The following CABIN1 variants were observed in gnomAD, a reference collection of about 807,000 sequenced individuals.
CABIN1 encodes calcineurin binding protein 1.
A neutral mutation model predicts 227.7 loss-of-function variants in CABIN1; 133 were observed. The observed-to-expected ratio is 0.58, with a 90% CI of 0.51 to 0.67. The LOEUF (loss-of-function observed/expected upper bound fraction) is 0.67, where lower values mean the gene tolerates loss of function less well. Ranked by LOEUF, CABIN1 falls within the 30% of genes least tolerant of loss-of-function variation. CABIN1 has a pLI of 0.00. For missense variants in CABIN1, 2,408 were observed against 2,852.5 expected (o/e 0.84, Z 3.55); for synonymous variants, 1,086 against 1,155.1 (o/e 0.94, Z 1.21).
intron 4 of CABIN1, among the ~76,000 whole-genome samples, chr22:24,040,186 T>C (rs989948045): frequency 6.6e-5 from 10 of 152,226 alleles, no homozygotes; most frequent in African/African-American, 1.7e-4. Context: ...GATCCAGCCC[T>C]GGTCAGCTGG....
At chr22:24,118,774 C>T (rs974022193) in intron 27 of CABIN1, among the ~76,000 whole-genome samples, 3 of 152,194 alleles carry the variant, frequency 2.0e-5, no homozygotes, top group African/African-American at 4.8e-5. Flanking sequence ...CACCACCCAG[C>T]CTGGGCTATC....
intron 26 of CABIN1, among the ~76,000 whole-genome samples, chr22:24,110,175 AT>A (rs963979812): frequency 3.3e-5 from 5 of 152,100 alleles, no homozygotes; most frequent in African/African-American, 4.8e-5. Flanking sequence ...CTCAAAAAAA[AT>A]TTTTTTTAAG....
At chr22:24,138,038 C>T (rs1452848620) in intron 29 of CABIN1, among the ~76,000 whole-genome samples, 1 of 152,188 alleles carries the variant, frequency 6.6e-6, no homozygotes, top group Admixed American at 6.5e-5. Context: ...AATCCCTATC[C>T]CTCTCAACCC....
intron 19 of CABIN1, among the ~76,000 whole-genome samples, chr22:24,079,470 T>A (rs1038090483): frequency 2.2e-4 from 34 of 152,280 alleles, no homozygotes; most frequent in African/African-American, 7.5e-4. Context: ...TTTAAAAATT[T>A]TATTTTCAGA....
intron 15 of CABIN1, among the ~76,000 whole-genome samples, chr22:24,065,747 A>G (rs1265948222): frequency 2.6e-5 from 4 of 152,254 alleles, no homozygotes; most frequent in African/African-American, 9.6e-5. Context: ...TCCGTCTGCA[A>G]TCCCGGCACC....
rs2036751601 is a variant in CABIN1, at chr22:24,034,836, G to A, written c.-74-608G>A. On this transcript the variant is annotated intron_variant, in intron 1 of 36. Transcript: ENST00000263119. ...TTTCTATTATCTTTCTAAAACATAGGCAAAACATTTTGTTCTCCCTAAAAC... is the reference window on the plus strand; with the variant it reads ...TTTCTATTATCTTTCTAAAACATAGACAAAACATTTTGTTCTCCCTAAAAC... 2.6e-5 allele frequency among the ~76,000 whole-genome samples: 4 copies of A among 152,104 alleles called. No homozygotes were observed. In the South Asian group the frequency reaches 8.3e-4, roughly 32 times the overall value.
At chr22:24,129,190 A>C (rs982734827) in intron 28 of CABIN1, among the ~76,000 whole-genome samples, 1 of 152,156 alleles carries the variant, frequency 6.6e-6, no homozygotes, top group Non-Finnish European at 1.5e-5. Flanking sequence ...CCCCCACTAC[A>C]TGCAGGGCCC....
chr22:24,089,736 G>A (rs1230925549), intron 23 of CABIN1, among the ~76,000 whole-genome samples: 3 of 152,176 alleles, frequency 2.0e-5, no homozygotes, highest in Non-Finnish European at 2.9e-5. Context: ...GCAGCTGTTC[G>A]AGCTGCTGTG....
chr22:24,043,424 A>G (rs955134550), intron 6 of CABIN1, among the ~76,000 whole-genome samples: 2 of 143,442 alleles, frequency 1.4e-5, no homozygotes, highest in Admixed American at 7.6e-5. Context: ...TTGGGCTGCC[A>G]TTAAAAAAAA....
chr22:24,169,935 T>G (rs2046691927), intron 33 of CABIN1, among the ~76,000 whole-genome samples: 2 of 152,178 alleles, frequency 1.3e-5, no homozygotes, highest in African/African-American at 2.4e-5. Context: ...AGCAGAGATT[T>G]CCGTCAGAGA....
chr22:24,060,253 C>A, intron 12 of CABIN1, 112 bp downstream of exon 12: 1 of 1,056,194 alleles, frequency 9.5e-7, no homozygotes, highest in Non-Finnish European at 1.4e-6. Flanking sequence ...ACTTGTGGGC[C>A]TGGAACCTGG....
intron 27 of CABIN1, among the ~76,000 whole-genome samples, chr22:24,115,308 A>C (rs2043020405): frequency 6.6e-6 from 1 of 152,186 alleles, no homozygotes; most frequent in Admixed American, 6.5e-5. Flanking sequence ...CAGCCTATAC[A>C]GGCCCTTCTA....
rs2046491389 is a variant in CABIN1 at position 24,167,057 on chromosome 22, AGCCCACCCC to A, written c.5429_5437del (p.Pro1810_Pro1812del). 6.5e-7 allele frequency: 1 copy of A among 1,545,696 alleles called. No individual in the cohort carries two copies. Among genetic ancestry groups the A allele is most frequent in the East Asian group, 2.4e-5 (1 of 40,832 alleles). Reference sequence around the variant, plus strand: ...GAGCTGAGCATCAGTGCCCGGCAGCAGCCCACCCCGCTCACCCCAGCCCAGCCAGCCCCC... The same window carrying A: ...GAGCTGAGCATCAGTGCCCGGCAGCAGCTCACCCCAGCCCAGCCAGCCCCC... On this transcript the variant is annotated inframe_deletion, in exon 32 of 37. Transcript: ENST00000263119.
At chr22:24,015,448 C>T (rs939593985) in intron 1 of CABIN1, among the ~76,000 whole-genome samples, 9 of 151,128 alleles carry the variant, frequency 6.0e-5, no homozygotes, top group East Asian at 4.1e-4. Context: ...GGGTTCACGC[C>T]GTTCTGCTGC....
At chr22:24,090,853 T>A (rs552121144) in intron 23 of CABIN1, among the ~76,000 whole-genome samples, 1 of 152,224 alleles carries the variant, frequency 6.6e-6, no homozygotes, top group South Asian at 2.1e-4. Context: ...AGAGCAGCTC[T>A]GTGGGCTTGC....
intron 20 of CABIN1, among the ~76,000 whole-genome samples, 167 bp downstream of exon 20, chr22:24,083,556 G>A (rs540584047): frequency 6.6e-6 from 1 of 152,144 alleles, no homozygotes; most frequent in Non-Finnish European, 1.5e-5. Context: ...GGTTTTTCTT[G>A]CAAAAACTTA....
At chr22:24,075,818 T>A (rs540103792) in intron 18 of CABIN1, among the ~76,000 whole-genome samples, 19 of 152,238 alleles carry the variant, frequency 1.2e-4, no homozygotes, top group Admixed American at 2.6e-4. Flanking sequence ...CAAATTACTT[T>A]TCTCTCATTC....
At position 24,125,710 on chromosome 22, in the gene CABIN1, A is replaced by T. The variant is rs1441915809; in HGVS notation, c.4632+6012A>T. On this transcript the variant is annotated intron_variant, in intron 28 of 36. Coordinates refer to ENST00000263119, the MANE Select transcript of CABIN1 (RefSeq NM_012295.4). ...GACATAAAAGTGGCCCCTTCCACAA[A>T]ATGGTGGTGTGCCCTGCATCCTCAC... Among the ~76,000 whole-genome samples, 4 of 152,204 alleles carry T rather than the reference A, an allele frequency of 2.6e-5. No individual in the cohort carries two copies. In the East Asian group the frequency reaches 7.7e-4, roughly 29 times the overall value.
intron 19 of CABIN1, among the ~76,000 whole-genome samples, chr22:24,082,983 G>C (rs1034041370): frequency 2.6e-5 from 4 of 152,214 alleles, no homozygotes; most frequent in African/African-American, 9.7e-5. Flanking sequence ...AAGAAAGGCA[G>C]CTTGGTAAAC....
Sources: allele counts gnomAD v4.1 joint callset (sites outside exome capture counted in the v4.1 genomes callset), GRCh38; gene constraint gnomAD v4.1.1; transcripts MANE v1.5; gene names NCBI Gene and HGNC (gene_info 2026-07-23, HGNC 2026-07-21).